The following PARP8 variants were observed in gnomAD, a reference collection of about 807,000 sequenced individuals.
The protein encoded by PARP8 is poly(ADP-ribose) polymerase family member 8, also known as protein mono-ADP-ribosyltransferase PARP8.
Under a neutral mutation model 124.1 loss-of-function variants are expected in PARP8, and 51 were observed. The observed-to-expected ratio is 0.41, with a 90% CI of 0.33 to 0.52. PARP8 has a LOEUF of 0.52. Ranked by LOEUF, PARP8 falls within the 20% of genes least tolerant of loss-of-function variation. The pLI, the probability that PARP8 is intolerant of heterozygous loss-of-function variation, is 0.21. For missense variants in PARP8, 860 were observed against 1,018.9 expected, an observed-to-expected ratio of 0.84 and a Z score of 2.12; for synonymous variants, 391 against 361.5, an observed-to-expected ratio of 1.08 and a Z score of -0.93.
intron 14 of PARP8, among the ~76,000 whole-genome samples, chr5:50,799,553 G>A (rs770517996): frequency 6.6e-5 from 10 of 152,252 alleles, no homozygotes; most frequent in African/African-American, 9.6e-5. Context: ...GGTCTCTTGC[G>A]TTTCTCTATC....
At chr5:50,758,097 G>A (rs1184051279) in intron 3 of PARP8, among the ~76,000 whole-genome samples, 1 of 152,042 alleles carries the variant, frequency 6.6e-6, no homozygotes, top group Non-Finnish European at 1.5e-5. Context: ...TCTAATAGGC[G>A]TTTTTGATAC....
intron 12 of PARP8, 152 bp downstream of exon 12, chr5:50,795,569 A>C (rs1276476325): frequency 6.5e-6 from 4 of 616,118 alleles, no homozygotes; most frequent in Non-Finnish European, 1.1e-5. Flanking sequence ...TTTGCATCCC[A>C]TACATTTGCA....
chr5:50,834,056 G>A lies in PARP8; in HGVS notation c.2377+8G>A. On this transcript the variant is annotated splice_region_variant and intron_variant, in intron 24 of 25. Coordinates refer to ENST00000281631, the MANE Select transcript of PARP8 (RefSeq NM_024615.4). ...GCATAGCCTTATGTGAAGGTAAGTT[G>A]AAAGTTTTACAAACCTCATAGTGTT... is the stretch of plus-strand genomic sequence containing the variant. 6.2e-7 allele frequency: 1 copy of A among 1,607,684 alleles called. No individual in the cohort carries two copies. The highest frequency in any genetic ancestry group is 8.5e-7 in the Non-Finnish European group (1 of 1,175,078).
chr5:50,677,476 A>G (rs1227840578), intron 2 of PARP8, among the ~76,000 whole-genome samples: 3 of 152,028 alleles, frequency 2.0e-5, no homozygotes, highest in African/African-American at 7.2e-5. Context: ...TTCTTTCTTG[A>G]TTTTTCTTTT....
rs1748035117 is a variant in PARP8, at chr5:50,840,233, T to C, written c.2463-1733T>C. On this transcript the variant is annotated intron_variant, in intron 25 of 25. Coordinates refer to ENST00000281631, the MANE Select transcript of PARP8 (RefSeq NM_024615.4). Reference sequence around the variant, plus strand: ...TGATTCGATTCGATTCAATTCTATCTTAATCACTTAAAATGCTGGTCTGGA... The same window carrying C: ...TGATTCGATTCGATTCAATTCTATCCTAATCACTTAAAATGCTGGTCTGGA... Among the ~76,000 whole-genome samples the C allele has an allele frequency of 3.9e-5, 6 of 151,934 alleles. No homozygotes were observed. In the South Asian group the frequency reaches 1.0e-3, roughly 26 times the overall value.
At chr5:50,831,177 A>C (rs759878038) in intron 22 of PARP8, among the ~76,000 whole-genome samples, 5 of 152,196 alleles carry the variant, frequency 3.3e-5, no homozygotes, top group Non-Finnish European at 7.3e-5. Flanking sequence ...AAAAAAGAAA[A>C]ATTAGAAATA....
At chr5:50,732,839 C>T (rs1466803972) in intron 2 of PARP8, among the ~76,000 whole-genome samples, 8 of 151,742 alleles carry the variant, frequency 5.3e-5, no homozygotes, top group African/African-American at 1.7e-4. Flanking sequence ...AGGATGGTCT[C>T]GATCTCCTGA....
intron 2 of PARP8, among the ~76,000 whole-genome samples, chr5:50,704,205 C>T (rs1241837232): frequency 2.0e-5 from 3 of 151,916 alleles, no homozygotes; most frequent in East Asian, 3.9e-4. Flanking sequence ...ATCTAAGTCC[C>T]GAGAGATGTG....
chr5:50,688,275 TTAAG>T (rs1394763980), intron 2 of PARP8, among the ~76,000 whole-genome samples: 3 of 152,222 alleles, frequency 2.0e-5, no homozygotes, highest in South Asian at 2.1e-4. Context: ...ACAGTTGGAC[TTAAG>T]TAAGTAAATG....
intron 2 of PARP8, among the ~76,000 whole-genome samples, chr5:50,674,742 A>C (rs1266709711): frequency 6.6e-6 from 1 of 152,210 alleles, no homozygotes; most frequent in Non-Finnish European, 1.5e-5. Context: ...TTTAGTGTAA[A>C]GCTGTGTAAA....
intron 2 of PARP8, among the ~76,000 whole-genome samples, chr5:50,709,244 A>AT (rs1438221904): frequency 6.6e-6 from 1 of 151,536 alleles, no homozygotes; most frequent in African/African-American, 2.4e-5. Context: ...CTTTTTCAAG[A>AT]TTTCTTCATT....
At chr5:50,813,825 A>G (rs545675219) in intron 14 of PARP8, among the ~76,000 whole-genome samples, 56 of 152,232 alleles carry the variant, frequency 3.7e-4, no homozygotes, top group Non-Finnish European at 5.6e-4. Context: ...GTATATGTAC[A>G]CGCACACAGA....
At chr5:50,682,553 A>G (rs1406308170) in intron 2 of PARP8, among the ~76,000 whole-genome samples, 1 of 152,158 alleles carries the variant, frequency 6.6e-6, no homozygotes, top group Admixed American at 6.6e-5. Flanking sequence ...TAAGTATCAA[A>G]TATTTTAAGT....
chr5:50,782,217 G>C (rs1305054031), intron 9 of PARP8, among the ~76,000 whole-genome samples: 3 of 152,184 alleles, frequency 2.0e-5, no homozygotes, highest in African/African-American at 7.2e-5. Context: ...CCTTAAGATT[G>C]ATTCCATCTG....
At position 50,667,126 on chromosome 5, in the gene PARP8, C is replaced by G; in HGVS notation, c.31C>G (p.Gln11Glu). 1 of 1,596,296 alleles carries G rather than the reference C, an allele frequency of 6.3e-7. No homozygotes were observed. Among genetic ancestry groups the G allele is most frequent in the South Asian group, 1.1e-5 (1 of 90,980 alleles). Residue 11 changes from glutamine to glutamate, a missense_variant, in exon 1 of 26, where the codon CAG becomes GAG. Coordinates refer to ENST00000281631, the MANE Select transcript of PARP8 (RefSeq NM_024615.4). ...GATGTGTTCAAGGCAAGAGCGAATT[C>G]AGAAGGATATCGACGTCGTGATCCA... The part of the protein sequence containing the change: MGMCSRQERI[Q>E]KDIDVVIQKS...
intron 2 of PARP8, among the ~76,000 whole-genome samples, chr5:50,724,727 G>A (rs1398220566): frequency 1.3e-5 from 2 of 151,754 alleles, no homozygotes; most frequent in Non-Finnish European, 2.9e-5. Flanking sequence ...AGTAGCTTTG[G>A]GGGTACAAGT....
At position 50,666,993 on chromosome 5, in the gene PARP8, CAG is replaced by C; in HGVS notation, c.-100_-99del. On this transcript the variant is annotated 5_prime_UTR_variant, in exon 1 of 26. An upstream open reading frame in the 5' UTR gains an earlier in-frame stop. Transcript: ENST00000281631. ...CTTCGCCTTCAGCCCCTGCCTCGGC[CAG>C]AGGTTTCATTTTTAACTGAATATTT... 6.4e-7 allele frequency: 1 copy of C among 1,562,028 alleles called. No homozygotes were observed. The highest frequency in any genetic ancestry group is 8.6e-7 in the Non-Finnish European group (1 of 1,160,102).
At position 50,815,410 on chromosome 5, in the gene PARP8, T is replaced by C. The variant is rs770599045; in HGVS notation, c.1576-22T>C. The C allele has an allele frequency of 5.2e-6, 8 of 1,530,372 alleles. No individual in the cohort carries two copies. In the South Asian group the frequency reaches 1.0e-4, roughly 19 times the overall value. 94.8% of individuals were successfully genotyped at this position (1,530,372 alleles called of 1,614,324 possible). On this transcript the variant is annotated intron_variant, in intron 14 of 25. Coordinates refer to ENST00000281631, the MANE Select transcript of PARP8 (RefSeq NM_024615.4). ...TGAGAGTTGGAAAAAAGTTTTGTGA[T>C]TGATTCCTTTTTCTTTTGTAGCCTA...
intron 25 of PARP8, among the ~76,000 whole-genome samples, chr5:50,837,116 C>T (rs1411199933): frequency 6.6e-6 from 1 of 151,966 alleles, no homozygotes; most frequent in African/African-American, 2.4e-5. Flanking sequence ...ATTTCATAAG[C>T]AAAAATTGAG....
Sources: gnomAD v4.1 joint callset for allele counts (sites outside exome capture counted in the v4.1 genomes callset) on GRCh38, gnomAD v4.1.1 for gene constraint, MANE v1.5 for transcripts, NCBI Gene and HGNC (gene_info 2026-07-23, HGNC 2026-07-21) for gene names.